The following SEC62 variants were observed in gnomAD, a reference collection of about 807,000 sequenced individuals.
The protein encoded by SEC62 is SEC62 preprotein translocation factor.
In SEC62, 10 loss-of-function variants were observed where a neutral mutation model predicts 47.5. The ratio of observed to expected loss-of-function variants is 0.21; its 90% confidence interval spans 0.13 to 0.36. The LOEUF (loss-of-function observed/expected upper bound fraction) is 0.36. Among genes scored for constraint, SEC62 ranks in the 10% least tolerant of loss-of-function variants. The pLI is 1.00. For missense variants in SEC62, 327 were observed against 464.1 expected (o/e 0.70, Z 2.71); for synonymous variants, 136 against 150.5 (o/e 0.90, Z 0.71).
rs1376252410 is a variant in SEC62, at chr3:169,975,541, AATT to A, written c.37-60_37-58del. On this transcript the variant is annotated intron_variant, in intron 1 of 7. Transcript: ENST00000337002. ...AAAAGATTCATAAAATAGATTTGTA[AATT>A]ATTATTCAGCGCATGAATTTCTCAA... 1.1e-5 allele frequency: 11 copies of A among 1,029,634 alleles called. No homozygotes were observed. The African/African-American group carries it at 1.8e-4, about 17-fold the overall frequency. The allele number at this position is 1,029,634 out of a possible 1,614,324, so 63.8% of individuals were successfully genotyped here. A position where few individuals can be genotyped will look rare whatever the true frequency, so the allele number is the denominator to read the frequency against.
At chr3:169,978,873 A>T (rs565448558) in intron 3 of SEC62, among the ~76,000 whole-genome samples, 1 of 152,338 alleles carries the variant, frequency 6.6e-6, no homozygotes, top group African/African-American at 2.4e-5. Context: ...ACAGCTAGCA[A>T]GTGGCAGATC....
intron 1 of SEC62, among the ~76,000 whole-genome samples, chr3:169,967,850 A>G (rs762515738): frequency 1.3e-5 from 2 of 151,722 alleles, no homozygotes; most frequent in Non-Finnish European, 2.9e-5. Flanking sequence ...ATTGCTTAGA[A>G]TGATTTTTTC....
chr3:169,996,775 A>G lies in SEC62; in HGVS notation c.*3712A>G. The stretch of plus-strand genomic sequence containing the variant: ...GTCCCTGCACTCTTCCTTTCTGGCC[A>G]AGGATGATGTCAGTTCTGCTGCTAC... On this transcript the variant is annotated 3_prime_UTR_variant, in exon 8 of 8. Coordinates refer to ENST00000337002, the MANE Select transcript of SEC62 (RefSeq NM_003262.4). 1 of 152,298 alleles carries G rather than the reference A, an allele frequency of 6.6e-6. No homozygotes were observed. Among genetic ancestry groups the G allele is most frequent in the East Asian group, 1.9e-4 (1 of 5,194 alleles). 9.4% of individuals were successfully genotyped at this position (152,298 alleles called of 1,614,324 possible). A position where few individuals can be genotyped will look rare whatever the true frequency, so the allele number is the denominator to read the frequency against.
intron 3 of SEC62, among the ~76,000 whole-genome samples, chr3:169,978,021 C>T (rs1038379170): frequency 3.3e-5 from 5 of 152,062 alleles, no homozygotes; most frequent in East Asian, 1.9e-4. Flanking sequence ...GGCTCATGCC[C>T]GTAATCCCAG....
At chr3:169,991,570 G>T (rs914752021) in intron 7 of SEC62, among the ~76,000 whole-genome samples, 7 of 152,078 alleles carry the variant, frequency 4.6e-5, no homozygotes, top group African/African-American at 1.7e-4. Context: ...AAAATTAGCG[G>T]AGCATGGTGG....
chr3:169,983,244 T>A lies in SEC62; in HGVS notation c.540T>A (p.Asp180Glu), dbSNP rs368648934. 1.9e-6 allele frequency: 3 copies of A among 1,611,232 alleles called. No individual in the cohort carries two copies. In the African/African-American group the frequency reaches 4.0e-5, roughly 22 times the overall value. ...LEPHDDQVFLDGNEVYVWIYD... is the reference protein window; with the variant it reads ...LEPHDDQVFLEGNEVYVWIYD... ...CACATGATGATCAGGTTTTTCTGGA[T>A]GGAAATGAGGTGAGAGTAAGCCTAT... is the stretch of plus-strand genomic sequence containing the variant. The change falls in exon 5 of 8, where the codon GAT becomes GAA. Residue 180 changes from aspartate (D) to glutamate (E), a missense_variant. This residue lies in a region of SEC62 where 99 missense variants were observed against 194.0 expected (regional missense o/e 0.51). Transcript: ENST00000337002.
Position 169,967,828 on chromosome 3 carries a change from CCTTA to C in SEC62, c.36+973_36+976del, listed in dbSNP as rs373510281. Among the ~76,000 whole-genome samples, 66 of 152,054 alleles carry C rather than the reference CCTTA, an allele frequency of 4.3e-4. No homozygotes were observed. In the East Asian group the frequency reaches 0.01, roughly 24 times the overall value. On this transcript the variant is annotated intron_variant, in intron 1 of 7. Transcript: ENST00000337002. Reference sequence around the variant, plus strand: ...TTACATTCATCATTGCCTTTCTGTTCCTTACTATTTCATTGCTTAGAATGATTTT... The same window carrying C: ...TTACATTCATCATTGCCTTTCTGTTCCTATTTCATTGCTTAGAATGATTTT...
At chr3:169,979,861 A>G (rs899691767) in intron 3 of SEC62, among the ~76,000 whole-genome samples, 2 of 152,204 alleles carry the variant, frequency 1.3e-5, no homozygotes, top group Non-Finnish European at 2.9e-5. Flanking sequence ...AGACTGTTTT[A>G]TACTTTATTG....
chr3:169,973,422 G>A (rs1205170761), intron 1 of SEC62, among the ~76,000 whole-genome samples: 2 of 152,176 alleles, frequency 1.3e-5, no homozygotes, highest in Non-Finnish European at 2.9e-5. Context: ...AAGACTTTGG[G>A]AGACTGAGGC....
rs750056119 is a variant in SEC62, at chr3:169,992,784, C to T, written c.921C>T (p.Ser307=). 5 of 1,613,710 alleles carry T rather than the reference C, an allele frequency of 3.1e-6. No individual in the cohort carries two copies. The highest frequency in any genetic ancestry group is 2.2e-5 in the East Asian group (1 of 44,856). The change falls in exon 8 of 8, where the codon TCC becomes TCT. Residue 307 remains serine, a synonymous_variant. Transcript: ENST00000337002. This position sits in a 1 kb window ranked among gnomAD's most constrained non-coding sequence, Gnocchi z 4.0. ...EKSETKKQQK[S]DSEEKSDSEK... is the part of the protein sequence containing the mutation. ...CTGAAACCAAAAAGCAACAGAAGTC[C>T]GACAGTGAGGAAAAGTCAGACAGTG...
Position 169,996,206 on chromosome 3 carries a change from A to G in SEC62, c.*3143A>G, listed in dbSNP as rs1164120557. 1 of 152,556 alleles carries G rather than the reference A, an allele frequency of 6.6e-6. No homozygotes were observed. Among genetic ancestry groups the G allele is most frequent in the East Asian group, 1.9e-4 (1 of 5,206 alleles). 9.5% of individuals were successfully genotyped at this position (152,556 alleles called of 1,614,324 possible). ...TAACGAGGATCAACTGTACTTAACT[A>G]TATTTTAAAGCTGTGACATTTATCT... On this transcript the variant is annotated 3_prime_UTR_variant, in exon 8 of 8. Transcript: ENST00000337002.
At position 169,970,740 on chromosome 3, in the gene SEC62, C is replaced by T. The variant is rs189610276; in HGVS notation, c.36+3882C>T. ...GGCTCTTAGCTTCCTCATTGTAAGA[C>T]AGTTGTGTTCATTCATTGAACTAAG... is the stretch of plus-strand genomic sequence containing the variant. On this transcript the variant is annotated intron_variant, in intron 1 of 7. Coordinates refer to ENST00000337002, the MANE Select transcript of SEC62 (RefSeq NM_003262.4). Among the ~76,000 whole-genome samples the T allele has an allele frequency of 3.9e-3, 591 of 152,286 alleles. 5 individuals carry two copies. Among genetic ancestry groups the T allele is most frequent in the African/African-American group, 0.013 (540 of 41,556 alleles).
chr3:169,971,331 A>G (rs150671583), intron 1 of SEC62, among the ~76,000 whole-genome samples: 135 of 152,220 alleles, frequency 8.9e-4, no homozygotes, highest in Middle Eastern at 3.4e-3. Context: ...TCGGCCTCCC[A>G]AAGTGGTGGG....
intron 1 of SEC62, among the ~76,000 whole-genome samples, chr3:169,975,280 CAAAAAA>C (rs5854360): frequency 1.4e-5 from 1 of 70,662 alleles, no homozygotes; most frequent in Non-Finnish European, 2.8e-5. Context: ...GACTCCATCT[CAAAAAA>C]AAAAAAAAAA....
intron 3 of SEC62, among the ~76,000 whole-genome samples, chr3:169,978,322 T>A (rs1388026537): frequency 6.6e-6 from 1 of 152,128 alleles, no homozygotes; most frequent in Non-Finnish European, 1.5e-5. Flanking sequence ...TTTGCTTGTC[T>A]TTTGTAGCAA....
At chr3:169,974,677 C>G in intron 1 of SEC62, among the ~76,000 whole-genome samples, 1 of 152,182 alleles carries the variant, frequency 6.6e-6, no homozygotes, top group East Asian at 1.9e-4. Flanking sequence ...ATTTTTGCCT[C>G]ACCCTTACTG....
chr3:169,979,210 C>T (rs1714914578), intron 3 of SEC62, among the ~76,000 whole-genome samples: 1 of 152,146 alleles, frequency 6.6e-6, no homozygotes. Context: ...TTTAAGGTCT[C>T]CAGAGCCACT....
In SEC62 at chr3:169,980,753, T is replaced by C. The variant is rs369006174; in HGVS notation, c.252-1954T>C. On this transcript the variant is annotated intron_variant, in intron 3 of 7. Transcript: ENST00000337002. ...CCAAATTACTAATAATGTTGCTTCG[T>C]AGATAGCCAGCCACATTACCATTTG... Among the ~76,000 whole-genome samples the C allele has an allele frequency of 8.4e-4, 128 of 152,374 alleles. 2 individuals are homozygous for C. The highest frequency in any genetic ancestry group is 8.3e-3 in the East Asian group (43 of 5,194).
intron 5 of SEC62, chr3:169,985,047 C>T (rs1715070159): frequency 6.6e-6 from 1 of 151,898 alleles, no homozygotes; most frequent in South Asian, 2.1e-4. Flanking sequence ...CAAGCATGAT[C>T]TTTAATAATT....
Sources: allele counts gnomAD v4.1 joint callset (sites outside exome capture counted in the v4.1 genomes callset), GRCh38; gene constraint gnomAD v4.1.1; regional missense constraint gnomAD v4.1.1; non-coding constraint Gnocchi (gnomAD v3.1); transcripts MANE v1.5; gene names NCBI Gene and HGNC (gene_info 2026-07-23, HGNC 2026-07-21).